PDE4D: variants seen among roughly 807,000 people sequenced by gnomAD.
PDE4D encodes 3',5'-cyclic-AMP phosphodiesterase 4D.
A neutral mutation model predicts 87.4 loss-of-function variants in PDE4D; 24 were observed. That is an observed-to-expected ratio of 0.27 (90% CI 0.20 to 0.39). The LOEUF is 0.39. Among genes scored for constraint, PDE4D ranks in the 10% least tolerant of loss-of-function variants. The pLI is 1.00. For missense variants in PDE4D, 714 were observed against 1,041.0 expected (o/e 0.69, Z 4.32); for synonymous variants, 384 against 383.2 (o/e 1.00, Z -0.02).
intron 1 of PDE4D, among the ~76,000 whole-genome samples, chr5:59,291,596 A>T (rs1171859820): frequency 1.3e-5 from 2 of 151,948 alleles, no homozygotes; most frequent in Non-Finnish European, 2.9e-5. Flanking sequence ...TTTGTAACAT[A>T]AAAAAAGGAT....
chr5:59,047,261 GTA>G (rs1487508818), intron 5 of PDE4D, among the ~76,000 whole-genome samples: 1 of 152,136 alleles, frequency 6.6e-6, no homozygotes. Flanking sequence ...AGTTTTTAGG[GTA>G]GTTAGAAAGA....
chr5:60,370,759 A>ATGTGTGTG (rs139182100), intron 1 of PDE4D, among the ~76,000 whole-genome samples: 18 of 150,216 alleles, frequency 1.2e-4, no homozygotes, highest in Middle Eastern at 6.9e-3. Context: ...TTTTGTGTAT[A>ATGTGTGTG]TGTGTGTGTG....
chr5:59,334,685 C>G (rs1435066779), intron 1 of PDE4D, among the ~76,000 whole-genome samples: 1 of 151,902 alleles, frequency 6.6e-6, no homozygotes, highest in Non-Finnish European at 1.5e-5. Context: ...CCCTTGGTAC[C>G]ACCATTGTTT....
At chr5:59,944,084 C>T (rs994525205) in intron 3 of PDE4D, among the ~76,000 whole-genome samples, 1 of 152,192 alleles carries the variant, frequency 6.6e-6, no homozygotes, top group Non-Finnish European at 1.5e-5. Context: ...GAATGTCAAC[C>T]TTCCTTTCAG....
chr5:59,757,418 A>C (rs996177973), intron 1 of PDE4D, among the ~76,000 whole-genome samples: 5 of 152,208 alleles, frequency 3.3e-5, no homozygotes, highest in Non-Finnish European at 7.3e-5. Flanking sequence ...CAACAATATT[A>C]GCTTCTAGTC....
At chr5:59,423,781 G>C (rs1363000978) in intron 1 of PDE4D, among the ~76,000 whole-genome samples, 1 of 150,766 alleles carries the variant, frequency 6.6e-6, no homozygotes, top group East Asian at 1.9e-4. Context: ...CAGAGATGTG[G>C]AAGGGAATAG....
chr5:60,104,919 G>T (rs1008662556), intron 2 of PDE4D, among the ~76,000 whole-genome samples: 2 of 152,134 alleles, frequency 1.3e-5, no homozygotes, highest in Non-Finnish European at 2.9e-5. Context: ...GGGAAAATCA[G>T]AGCAGAAAAA....
intron 6 of PDE4D, among the ~76,000 whole-genome samples, chr5:59,021,903 T>C (rs899176878): frequency 1.3e-5 from 2 of 152,222 alleles, no homozygotes; most frequent in South Asian, 2.1e-4. Context: ...TTTCAGTTTG[T>C]ACCTTGCTGT....
At chr5:59,161,745 G>A (rs551851317) in intron 5 of PDE4D, among the ~76,000 whole-genome samples, 6 of 152,286 alleles carry the variant, frequency 3.9e-5, no homozygotes, top group Admixed American at 2.0e-4. Context: ...CGAAAAGTAC[G>A]TCCTCTCAAT....
intron 2 of PDE4D, among the ~76,000 whole-genome samples, chr5:60,114,113 C>T (rs756496469): frequency 1.2e-4 from 18 of 152,086 alleles, no homozygotes; most frequent in Admixed American, 2.6e-4. Flanking sequence ...GTTGATGCTC[C>T]ACCCGATTCG....
At position 60,327,414 on chromosome 5, in the gene PDE4D, T is replaced by A. The variant is rs148324764; in HGVS notation, c.-89-141727A>T. Among the ~76,000 whole-genome samples the A allele has an allele frequency of 3.7e-3, 566 of 152,194 alleles. 5 individuals are homozygous for A. The highest frequency in any genetic ancestry group is 0.013 in the African/African-American group (529 of 41,528). ...TAGGAGAGCAACTTTCACATGTGAG[T>A]TTTTATCTCCTGTTTTCAGGGGGAA... is the stretch of plus-strand genomic sequence containing the variant. On this transcript the variant is annotated intron_variant, in intron 1 of 16. Transcript: ENST00000502484.
At chr5:59,386,782 T>C (rs190441313) in intron 1 of PDE4D, among the ~76,000 whole-genome samples, 42 of 152,160 alleles carry the variant, frequency 2.8e-4, no homozygotes, top group African/African-American at 9.6e-4. Flanking sequence ...AGCATCTTAA[T>C]CTAAGTTTTA....
At chr5:59,078,509 CTTT>C (rs542270740) in intron 5 of PDE4D, among the ~76,000 whole-genome samples, 25 of 135,742 alleles carry the variant, frequency 1.8e-4, no homozygotes, top group Admixed American at 3.7e-4. Context: ...AGGTAGGACT[CTTT>C]TTTTTTTTTT....
chr5:59,791,426 T>C (rs2152647069), intron 1 of PDE4D, among the ~76,000 whole-genome samples: 1 of 152,354 alleles, frequency 6.6e-6, no homozygotes. Context: ...TGGCATTGCA[T>C]GCTTTCTTTA....
intron 1 of PDE4D, among the ~76,000 whole-genome samples, chr5:59,239,120 G>A (rs188162131): frequency 6.6e-6 from 1 of 152,304 alleles, no homozygotes; most frequent in African/African-American, 2.4e-5. Flanking sequence ...AAATGATTTT[G>A]AAGGCTCAGC....
intron 1 of PDE4D, among the ~76,000 whole-genome samples, chr5:60,473,124 A>AAAGGAAGGAAGGAAGG (rs562842272): frequency 2.8e-4 from 23 of 81,430 alleles, no homozygotes; most frequent in East Asian, 2.0e-3. Flanking sequence ...AGAGAGAAAG[A>AAAGGAAGGAAGGAAGG]AAGGAAGGAA....
At chr5:58,988,408 G>C in intron 11 of PDE4D, 85 bp downstream of exon 11, 1 of 478,910 alleles carries the variant, frequency 2.1e-6, no homozygotes. Flanking sequence ...TTATGGCTCT[G>C]GAAGACTCTG....
intron 1 of PDE4D, among the ~76,000 whole-genome samples, chr5:59,722,491 GT>G (rs949322439): frequency 6.6e-6 from 1 of 152,074 alleles, no homozygotes; most frequent in Non-Finnish European, 1.5e-5. Context: ...TCCTCCAGTA[GT>G]TTTTTTCCCA....
chr5:59,522,191 C>G (rs541353989), intron 1 of PDE4D, among the ~76,000 whole-genome samples: 3 of 152,220 alleles, frequency 2.0e-5, no homozygotes, highest in African/African-American at 7.2e-5. Context: ...AATTGAATGG[C>G]TATCATTTAA....
Sources: gnomAD v4.1 joint callset for allele counts (sites outside exome capture counted in the v4.1 genomes callset) on GRCh38, gnomAD v4.1.1 for gene constraint, MANE v1.5 for transcripts, NCBI Gene and HGNC (gene_info 2026-07-23, HGNC 2026-07-21) for gene names.